Variants in GABBR2 observed in about 807,000 individuals in gnomAD.
The protein encoded by GABBR2 is gamma-aminobutyric acid type B receptor subunit 2.
Under a neutral mutation model 105.6 loss-of-function variants are expected in GABBR2, and 23 were observed. The observed-to-expected ratio is 0.22, with a 90% confidence interval of 0.16 to 0.31. The LOEUF (loss-of-function observed/expected upper bound fraction) is 0.31, where lower values mean the gene tolerates loss of function less well. GABBR2 is among the 10% of genes least tolerant of loss of function. The pLI is 1.00. For missense variants in GABBR2, 734 were observed against 1,245.5 expected (o/e 0.59, Z 6.18); for synonymous variants, 478 against 499.7 (o/e 0.96, Z 0.58).
At chr9:98,682,859 T>C (rs537446546) in intron 1 of GABBR2, among the ~76,000 whole-genome samples, 1 of 150,456 alleles carries the variant, frequency 6.6e-6, no homozygotes, top group East Asian at 2.0e-4. Context: ...GTTTATCAAC[T>C]GCCCAATTGA....
intron 1 of GABBR2, among the ~76,000 whole-genome samples, chr9:98,595,399 C>A (rs1012732637): frequency 2.0e-5 from 3 of 151,646 alleles, no homozygotes; most frequent in Admixed American, 2.0e-4. Flanking sequence ...TTTTAGACTG[C>A]AGCAGATGGG....
chr9:98,564,507 G>C (rs910525578), intron 2 of GABBR2, among the ~76,000 whole-genome samples: 1 of 152,196 alleles, frequency 6.6e-6, no homozygotes, highest in Non-Finnish European at 1.5e-5. Context: ...CTTTGGCAAG[G>C]CACTCAACCT....
At chr9:98,353,673 A>G (rs923120569) in intron 13 of GABBR2, among the ~76,000 whole-genome samples, 1 of 152,186 alleles carries the variant, frequency 6.6e-6, no homozygotes, top group Non-Finnish European at 1.5e-5. Context: ...CTTCTTTTAC[A>G]TCTCCATCAG....
intron 13 of GABBR2, 130 bp downstream of exon 13, chr9:98,362,584 TG>T: frequency 1.6e-6 from 1 of 622,292 alleles, no homozygotes. Context: ...ATGTCTCAAA[TG>T]GAAGGAAATG....
chr9:98,399,851 A>T (rs905830206), intron 8 of GABBR2, among the ~76,000 whole-genome samples: 1 of 152,092 alleles, frequency 6.6e-6, no homozygotes. Flanking sequence ...CTGCAGACCA[A>T]CAAGAAAAAG....
At chr9:98,572,062 C>A (rs1028604522) in intron 2 of GABBR2, among the ~76,000 whole-genome samples, 1 of 152,202 alleles carries the variant, frequency 6.6e-6, no homozygotes, top group Non-Finnish European at 1.5e-5. Context: ...TGGGTTCCTC[C>A]CAGCATGAGG....
At chr9:98,697,946 C>T (rs530414829) in intron 1 of GABBR2, among the ~76,000 whole-genome samples, 2 of 152,354 alleles carry the variant, frequency 1.3e-5, no homozygotes, top group East Asian at 3.9e-4. Flanking sequence ...GGGCATTTTT[C>T]AGAAAGGCTT....
chr9:98,650,084 G>A (rs1830084990), intron 1 of GABBR2, among the ~76,000 whole-genome samples: 1 of 152,148 alleles, frequency 6.6e-6, no homozygotes, highest in Admixed American at 6.5e-5. Flanking sequence ...ATCAGGTGTG[G>A]TCTTGTAATA....
In GABBR2 at chr9:98,388,658, TGTGC is replaced by T. The variant is rs1554698921; in HGVS notation, c.1529+192_1529+195del. Reference sequence around the variant, plus strand: ...GTGTGTGTGTGTGTGTGTGTGTGTGTGTGCGTGCACGCACACACACGTACTCACA... The same window carrying T: ...GTGTGTGTGTGTGTGTGTGTGTGTGTGTGCACGCACACACACGTACTCACA... On this transcript the variant is annotated intron_variant, in intron 10 of 18. Coordinates refer to ENST00000259455, the MANE Select transcript of GABBR2 (RefSeq NM_005458.8). The surrounding 1 kb of genome is among the most constrained non-coding windows in gnomAD (Gnocchi z 4.4). 2.9e-4 allele frequency among the ~76,000 whole-genome samples: 40 copies of T among 135,766 alleles called. No individual in the cohort carries two copies. Among genetic ancestry groups the T allele is most frequent in the Admixed American group, 6.5e-4 (9 of 13,822 alleles). 89.1% of individuals were successfully genotyped at this position (135,766 alleles called of 152,430 possible).
intron 16 of GABBR2, among the ~76,000 whole-genome samples, chr9:98,299,616 C>T (rs1299389208): frequency 6.6e-6 from 1 of 152,150 alleles, no homozygotes; most frequent in Non-Finnish European, 1.5e-5. Context: ...AGCAGACAAG[C>T]AAGCTCAGGG....
At chr9:98,648,085 G>GTA (rs201739707) in intron 1 of GABBR2, among the ~76,000 whole-genome samples, 6,432 of 66,494 alleles carry the variant, frequency 0.097, 193 homozygotes, top group African/African-American at 0.16. Flanking sequence ...TACAGGGTGT[G>GTA]TGTGTGTGTG....
chr9:98,498,418 T>G (rs559268142), intron 3 of GABBR2, among the ~76,000 whole-genome samples: 1 of 152,300 alleles, frequency 6.6e-6, no homozygotes, highest in South Asian at 2.1e-4. Context: ...AAAAAAGAAC[T>G]TCTTATTTCA....
intron 3 of GABBR2, among the ~76,000 whole-genome samples, chr9:98,518,777 C>T (rs775367762): frequency 6.6e-5 from 10 of 152,172 alleles, no homozygotes; most frequent in Admixed American, 1.3e-4. Flanking sequence ...GGACAGCTCC[C>T]TCAAGGTCAG....
chr9:98,517,405 A>G (rs1827778930), intron 3 of GABBR2, among the ~76,000 whole-genome samples: 1 of 152,166 alleles, frequency 6.6e-6, no homozygotes, highest in South Asian at 2.1e-4. Context: ...GACCTTGAAC[A>G]GGCTCGCCCT....
chr9:98,300,393 C>T (rs903619465), intron 16 of GABBR2, among the ~76,000 whole-genome samples: 8 of 152,160 alleles, frequency 5.3e-5, no homozygotes, highest in Non-Finnish European at 1.0e-4. Context: ...GATCCTCCCA[C>T]TTTGTCCTCC....
intron 1 of GABBR2, among the ~76,000 whole-genome samples, chr9:98,653,247 C>A (rs1017712165): frequency 8.5e-5 from 13 of 152,242 alleles, no homozygotes. Flanking sequence ...GATCCTCACA[C>A]CTCGGCCTCC....
chr9:98,503,553 G>A (rs906585802), intron 3 of GABBR2, among the ~76,000 whole-genome samples: 1 of 152,160 alleles, frequency 6.6e-6, no homozygotes, highest in African/African-American at 2.4e-5. Context: ...GGATTCTGGA[G>A]GCTAGATGAT....
intron 7 of GABBR2, among the ~76,000 whole-genome samples, chr9:98,410,934 T>G (rs953248015): frequency 6.6e-6 from 1 of 152,230 alleles, no homozygotes; most frequent in South Asian, 2.1e-4. Context: ...AGTCTCTACC[T>G]GTTTTCCTCC....
intron 7 of GABBR2, among the ~76,000 whole-genome samples, chr9:98,418,914 A>G (rs1832734443): frequency 6.6e-6 from 1 of 152,240 alleles, no homozygotes; most frequent in Non-Finnish European, 1.5e-5. Flanking sequence ...TCATTTGCAG[A>G]TGCAAGCATC....
Sources: gnomAD v4.1 joint callset for allele counts (sites outside exome capture counted in the v4.1 genomes callset) on GRCh38, gnomAD v4.1.1 for gene constraint, Gnocchi (gnomAD v3.1) non-coding constraint, MANE v1.5 for transcripts, NCBI Gene and HGNC (gene_info 2026-07-23, HGNC 2026-07-21) for gene names.